ANK1: variants seen among roughly 807,000 people sequenced by gnomAD.
ANK1 encodes the protein ankyrin-1.
A neutral mutation model predicts 210.4 loss-of-function variants in ANK1; 51 were observed. The observed-to-expected ratio is 0.24, with a 90% CI of 0.19 to 0.31. The LOEUF (loss-of-function observed/expected upper bound fraction) is 0.31, where lower values mean the gene tolerates loss of function less well. Among genes scored for constraint, ANK1 ranks in the 10% least tolerant of loss-of-function variants. The pLI is 1.00. For missense variants in ANK1, 2,051 were observed against 2,504.4 expected, an observed-to-expected ratio of 0.82 and a Z score of 3.86; for synonymous variants, 967 against 1,025.9, an observed-to-expected ratio of 0.94 and a Z score of 1.10.
At chr8:41,689,260 C>A (rs1415936201) in intron 33 of ANK1, among the ~76,000 whole-genome samples, 3 of 151,940 alleles carry the variant, frequency 2.0e-5, no homozygotes, top group Non-Finnish European at 4.4e-5. Flanking sequence ...AGTGCCAGGA[C>A]TACAGGTGCA....
intron 3 of ANK1, among the ~76,000 whole-genome samples, chr8:41,729,710 A>G (rs558611519): frequency 5.6e-4 from 85 of 152,332 alleles, no homozygotes; most frequent in Non-Finnish European, 1.0e-3. Context: ...TTTTGATATT[A>G]AACAACAATT....
intron 1 of ANK1, among the ~76,000 whole-genome samples, chr8:41,781,443 C>A (rs933617757): frequency 6.6e-6 from 1 of 152,236 alleles, no homozygotes; most frequent in Non-Finnish European, 1.5e-5. Flanking sequence ...CAGCTGTGCA[C>A]GGTGCCTGCT....
At chr8:41,814,987 G>A (rs1311376289) in intron 1 of ANK1, among the ~76,000 whole-genome samples, 1 of 151,964 alleles carries the variant, frequency 6.6e-6, no homozygotes, top group African/African-American at 2.4e-5. Flanking sequence ...ACTTCCAGGG[G>A]CCCATCTGAG....
chr8:41,716,876 G>T, intron 13 of ANK1, 77 bp downstream of exon 13: 1 of 1,448,026 alleles, frequency 6.9e-7, no homozygotes, highest in Non-Finnish European at 9.7e-7. Context: ...GCCCCGCCTG[G>T]AATGAGGATG....
At chr8:41,815,923 T>C (rs374330336) in intron 1 of ANK1, among the ~76,000 whole-genome samples, 19 of 152,354 alleles carry the variant, frequency 1.2e-4, no homozygotes, top group African/African-American at 4.3e-4. Context: ...CACCAGTTAA[T>C]GTTTCAGTAC....
At chr8:41,716,164 T>A (rs11994013) in intron 13 of ANK1, among the ~76,000 whole-genome samples, 1 of 152,022 alleles carries the variant, frequency 6.6e-6, no homozygotes, top group East Asian at 1.9e-4. Flanking sequence ...GGGATCAAGC[T>A]GATAATGTAC....
chr8:41,827,932 G>A (rs1179868353), intron 1 of ANK1, among the ~76,000 whole-genome samples: 1 of 151,246 alleles, frequency 6.6e-6, no homozygotes, highest in African/African-American at 2.4e-5. Flanking sequence ...ATACACACAC[G>A]CACTCACACA....
intron 37 of ANK1, among the ~76,000 whole-genome samples, chr8:41,680,562 T>A (rs1815652854): frequency 9.4e-6 from 1 of 106,428 alleles, no homozygotes; most frequent in Non-Finnish European, 2.0e-5. Context: ...TGAAACTCTA[T>A]CTCAAAAAAA....
At chr8:41,871,509 G>C (rs1405572584) in intron 1 of ANK1, among the ~76,000 whole-genome samples, 1 of 152,176 alleles carries the variant, frequency 6.6e-6, no homozygotes, top group Non-Finnish European at 1.5e-5. Flanking sequence ...TGCAGACACA[G>C]AGGCAGATGC....
In ANK1 at chr8:41,723,579, G is replaced by A. The variant is rs1163645823; in HGVS notation, c.766C>T (p.Arg256Trp). Residue 256 changes from arginine to tryptophan, a missense_variant, in exon 8 of 43, where the codon CGG becomes TGG. Coordinates refer to ENST00000289734, the MANE Select transcript of ANK1 (RefSeq NM_000037.4). ...ASRRGNVIMV[R>W]LLLDRGAQIE... Reference sequence around the variant, plus strand: ...TGGGCTCCCCGATCCAGCAGCAGCCGCACCATGATCACGTTGCCCCTGCGG... The same window carrying A: ...TGGGCTCCCCGATCCAGCAGCAGCCACACCATGATCACGTTGCCCCTGCGG... 1.2e-6 allele frequency: 2 copies of A among 1,613,862 alleles called. No individual in the cohort carries two copies. The highest frequency in any genetic ancestry group is 1.7e-6 in the Non-Finnish European group (2 of 1,179,926).
chr8:41,880,847 C>T (rs1375241447), intron 1 of ANK1, among the ~76,000 whole-genome samples: 1 of 152,240 alleles, frequency 6.6e-6, no homozygotes, highest in Non-Finnish European at 1.5e-5. Flanking sequence ...TCTGCACCAG[C>T]AGTGCAGATG....
chr8:41,769,042 C>T (rs1015402644), intron 1 of ANK1, among the ~76,000 whole-genome samples: 2 of 150,236 alleles, frequency 1.3e-5, no homozygotes, highest in African/African-American at 4.8e-5. Context: ...CGCTTCAAAG[C>T]TATGCAGCAA....
intron 1 of ANK1, among the ~76,000 whole-genome samples, chr8:41,785,227 G>A (rs562319655): frequency 1.3e-5 from 2 of 152,156 alleles, no homozygotes; most frequent in African/African-American, 4.8e-5. Context: ...CAGGGGTGTG[G>A]TGCATGACTA....
intron 2 of ANK1, among the ~76,000 whole-genome samples, chr8:41,749,226 A>G (rs143388064): frequency 0.015 from 2,241 of 151,798 alleles, 67 homozygotes; most frequent in African/African-American, 0.051. Context: ...AGCATGGTGC[A>G]TGGATCATTG....
chr8:41,866,656 CT>C (rs1232602445), intron 1 of ANK1, among the ~76,000 whole-genome samples: 11 of 152,370 alleles, frequency 7.2e-5, no homozygotes, highest in Non-Finnish European at 1.3e-4. Flanking sequence ...CTGGAAATCA[CT>C]GTTCTACTTT....
At chr8:41,892,359 T>G (rs1036047836) in intron 1 of ANK1, among the ~76,000 whole-genome samples, 1 of 152,172 alleles carries the variant, frequency 6.6e-6, no homozygotes, top group African/African-American at 2.4e-5. Flanking sequence ...CGGTTACTGC[T>G]GCATAGACTG....
chr8:41,787,057 C>T (rs551960139), intron 1 of ANK1, among the ~76,000 whole-genome samples: 16 of 152,300 alleles, frequency 1.1e-4, no homozygotes, highest in South Asian at 8.3e-4. Context: ...GTGCCAGAGA[C>T]GTCCCAAAGC....
intron 1 of ANK1, among the ~76,000 whole-genome samples, chr8:41,796,756 A>G (rs1848808247): frequency 6.6e-6 from 1 of 151,614 alleles, no homozygotes; most frequent in South Asian, 2.1e-4. Context: ...CTCTGAATCC[A>G]TCACTAAACT....
Position 41,695,189 on chromosome 8 carries a change from C to A in ANK1, c.3103G>T (p.Gly1035Trp). 2.5e-6 allele frequency: 4 copies of A among 1,614,188 alleles called. No individual in the cohort carries two copies. The South Asian group carries it at 3.3e-5, about 13-fold the overall frequency. ...GESYLDQILN[G>W]MDEELGSLEE... ...CCCCCGCCCCTACCTTCGTCCATCC[C>A]GTTGAGGATCTGATCCAGGTAGCTC... Residue 1035 changes from glycine (G) to tryptophan (W), a missense_variant, in exon 27 of 43, where the codon GGG becomes TGG. Gly to Trp is a radical substitution (Grantham distance 184, BLOSUM62 -2). Coordinates refer to ENST00000289734, the MANE Select transcript of ANK1 (RefSeq NM_000037.4).
Sources: gnomAD v4.1 joint callset for allele counts (sites outside exome capture counted in the v4.1 genomes callset) on GRCh38, gnomAD v4.1.1 for gene constraint, MANE v1.5 for transcripts, NCBI Gene and HGNC (gene_info 2026-07-23, HGNC 2026-07-21) for gene names.